ADAMTS10: variants seen among roughly 807,000 people sequenced by gnomAD.
The protein encoded by ADAMTS10 is A disintegrin and metalloproteinase with thrombospondin motifs 10.
Under a neutral mutation model 135.9 loss-of-function variants are expected in ADAMTS10, and 48 were observed. The observed-to-expected ratio is 0.35, with a 90% confidence interval of 0.28 to 0.45. The LOEUF is 0.45. ADAMTS10 is among the 20% of genes least tolerant of loss of function. The probability of loss-of-function intolerance (pLI) is 1.00; values close to 1 mark genes in which losing one functional copy is unlikely to be tolerated. For synonymous variants in ADAMTS10, 621 were observed against 647.5 expected, an observed-to-expected ratio of 0.96 and a Z score of 0.62; for missense variants, 1,131 against 1,565.2, an observed-to-expected ratio of 0.72 and a Z score of 4.68.
intron 6 of ADAMTS10, among the ~76,000 whole-genome samples, chr19:8,599,434 G>T (rs534132812): frequency 6.6e-6 from 1 of 151,876 alleles, no homozygotes. Flanking sequence ...GGGTTCAAGC[G>T]ATTCTCCTGT....
chr19:8,607,752 A>AC (rs2042736022), intron 2 of ADAMTS10, among the ~76,000 whole-genome samples: 1 of 146,030 alleles, frequency 6.8e-6, no homozygotes, highest in South Asian at 2.2e-4. Context: ...ATATTCTGTG[A>AC]CCCCTGTTGC....
In ADAMTS10 at chr19:8,591,846, T is replaced by A. The variant is rs782698580; in HGVS notation, c.1751A>T (p.Lys584Met). 3.7e-6 allele frequency: 6 copies of A among 1,613,640 alleles called. No homozygotes were observed. Among genetic ancestry groups the A allele is most frequent in the Non-Finnish European group, 3.4e-6 (4 of 1,179,992 alleles). Residue 584 changes from lysine to methionine, a missense_variant, in exon 15 of 26, where the codon AAG becomes ATG. By Grantham distance (95) the Lys-to-Met change is moderately conservative. Coordinates refer to ENST00000597188, the MANE Select transcript of ADAMTS10 (RefSeq NM_030957.4). The part of the protein sequence containing the change: ...CDSPRPTIGG[K>M]YCLGERRRHR... ...CCGCCTTCTCTCACCCAGACAGTAC[T>A]TGCCCCCGATGGTTGGCCTGGAAAG...
In ADAMTS10 at chr19:8,585,173, G is replaced by A. The variant is rs1555736584; in HGVS notation, c.3001C>T (p.Arg1001Cys). ...PPATMRCNLR[R>C]CPPARWVAGE... is the part of the protein sequence containing the mutation. Reference sequence around the variant, plus strand: ...GCCACCCAGCGGGCCGGGGGGCAGCGGCGCAAGTTGCAGCGCATGGTGGCC... The same window carrying A: ...GCCACCCAGCGGGCCGGGGGGCAGCAGCGCAAGTTGCAGCGCATGGTGGCC... Residue 1001 changes from arginine to cysteine, a missense_variant, in exon 24 of 26, where the codon CGC becomes TGC. Physicochemically the swap from Arg to Cys is radical, Grantham distance 180 (BLOSUM62 -3). Around this residue, in one of 3 missense-constraint regions of ADAMTS10, gnomAD observed 745 missense variants for 1,056.3 expected, o/e 0.71. Transcript: ENST00000597188. 7.1e-7 allele frequency: 1 copy of A among 1,410,204 alleles called. No homozygotes were observed. Among genetic ancestry groups the A allele is most frequent in the Non-Finnish European group, 9.2e-7 (1 of 1,087,810 alleles). The allele number at this position is 1,410,204 out of a possible 1,614,324, so 87.4% of individuals were successfully genotyped here.
At chr19:8,607,936 G>A (rs957423113) in intron 2 of ADAMTS10, among the ~76,000 whole-genome samples, 198 bp downstream of exon 2, 3 of 150,984 alleles carry the variant, frequency 2.0e-5, no homozygotes, top group Admixed American at 6.6e-5. Flanking sequence ...TCAGCCTCCC[G>A]AGTAGCTGGG....
intron 12 of ADAMTS10, 144 bp from the exon 13 acceptor site, chr19:8,593,014 T>C: frequency 1.4e-6 from 1 of 729,786 alleles, no homozygotes; most frequent in South Asian, 1.5e-5. Flanking sequence ...TCGCGGTGGG[T>C]CTTCGTGCAT....
At chr19:8,581,825 ACT>A (rs1555735925) in intron 25 of ADAMTS10, among the ~76,000 whole-genome samples, 1 of 150,722 alleles carries the variant, frequency 6.6e-6, no homozygotes, top group Non-Finnish European at 1.5e-5. Flanking sequence ...ACAGAGCGAG[ACT>A]CTGTCACAAA....
intron 25 of ADAMTS10, among the ~76,000 whole-genome samples, chr19:8,583,612 C>T (rs1432352401): frequency 6.6e-5 from 10 of 152,024 alleles, no homozygotes; most frequent in Non-Finnish European, 1.3e-4. Context: ...TTTGGGAGGC[C>T]GAGGCGGGTG....
At chr19:8,584,154 C>CAAAAAAAAAAAAAAAAAAAAAAAATAA (rs34412373) in intron 25 of ADAMTS10, among the ~76,000 whole-genome samples, 1 of 44,892 alleles carries the variant, frequency 2.2e-5, no homozygotes, top group African/African-American at 9.1e-5. Flanking sequence ...GACTCCATCT[C>CAAAAAAAAAAAAAAAAAAAAAAAATAA]AAAAAAAAAA....
chr19:8,602,476 G>A (rs2146096798), intron 5 of ADAMTS10, among the ~76,000 whole-genome samples: 1 of 151,864 alleles, frequency 6.6e-6, no homozygotes, highest in South Asian at 2.1e-4. Flanking sequence ...GTGCCACCAC[G>A]CCTGGCTAAC....
rs781958188 is a variant in ADAMTS10 at position 8,603,919 on chromosome 19, G to C, written c.436-35C>G. 5.1e-6 allele frequency: 8 copies of C among 1,580,204 alleles called. No individual in the cohort carries two copies. The South Asian group carries it at 9.3e-5, about 18-fold the overall frequency. On this transcript the variant is annotated intron_variant, in intron 4 of 25. Transcript: ENST00000597188. ...GAGAAGTGGGATAGAAAGCTCTCAG[G>C]ATCAGGTTCTGGAGCTTAGGACCCC...
At chr19:8,591,775 C>T (rs2042532799) in intron 15 of ADAMTS10, 25 bp downstream of exon 15, 1 of 1,613,192 alleles carries the variant, frequency 6.2e-7, no homozygotes, top group African/African-American at 1.3e-5. Context: ...TCCCCCCACC[C>T]CTCAAGGGGT....
At chr19:8,595,649 T>C (rs1185159434) in intron 12 of ADAMTS10, 113 bp downstream of exon 12, 1 of 1,532,064 alleles carries the variant, frequency 6.5e-7, no homozygotes, top group Non-Finnish European at 8.9e-7. Flanking sequence ...TCACCCCCCT[T>C]CCCGGTTCTC....
rs911280206 is a variant in ADAMTS10, at chr19:8,605,498, A to G, written c.88+125T>C. ...GGAGTTGGCTGCAAGGCTCCCGCCT[A>G]TTGACCCCAGGGCCTTCCCCCATTG... is the stretch of plus-strand genomic sequence containing the variant. On this transcript the variant is annotated intron_variant, in intron 3 of 25. Coordinates refer to ENST00000597188, the MANE Select transcript of ADAMTS10 (RefSeq NM_030957.4). The surrounding 1 kb of genome is among the most constrained non-coding windows in gnomAD (Gnocchi z 7.7). 1.4e-6 allele frequency: 2 copies of G among 1,472,332 alleles called. No homozygotes were observed. The highest frequency in any genetic ancestry group is 1.8e-6 in the Non-Finnish European group (2 of 1,084,746). The allele number at this position is 1,472,332 out of a possible 1,614,324, so 91.2% of individuals were successfully genotyped here.
intron 1 of ADAMTS10, among the ~76,000 whole-genome samples, chr19:8,609,239 T>TGTGC (rs1555743120): frequency 6.8e-6 from 1 of 147,444 alleles, no homozygotes; most frequent in Non-Finnish European, 1.5e-5. Flanking sequence ...TGACCCTGTG[T>TGTGC]GTGTGTGTGT....
intron 25 of ADAMTS10, 151 bp downstream of exon 25, chr19:8,584,744 G>T (rs1600092980): frequency 3.5e-6 from 4 of 1,152,816 alleles, no homozygotes; most frequent in East Asian, 2.6e-5. Context: ...ATGCTTGCAG[G>T]GAGGGGATGG....
Position 8,585,261 on chromosome 19 carries a change from GC to G in ADAMTS10, c.2912del (p.Cys971SerfsTer102). ...GPGLRHRVVL[C>X]KSADHRATLP... is the part of the protein sequence containing the mutation. ...GCGTGGCGCGGTGGTCTGCGCTCTT[GC>G]AAAGGACCACGCGGTGGCGGAGGCC... On this transcript the variant is annotated frameshift_variant, in exon 24 of 26. Coordinates refer to ENST00000597188, the MANE Select transcript of ADAMTS10 (RefSeq NM_030957.4). LOFTEE classifies it high-confidence loss of function. The G allele has an allele frequency of 6.7e-7, 1 of 1,498,052 alleles. No homozygotes were observed. Among genetic ancestry groups the G allele is most frequent in the Non-Finnish European group, 8.9e-7 (1 of 1,122,006 alleles). The allele number at this position is 1,498,052 out of a possible 1,614,324, so 92.8% of individuals were successfully genotyped here. A position where few individuals can be genotyped will look rare whatever the true frequency, so the allele number is the denominator to read the frequency against.
At chr19:8,606,513 C>T (rs1295108001) in intron 2 of ADAMTS10, among the ~76,000 whole-genome samples, 7 of 152,228 alleles carry the variant, frequency 4.6e-5, no homozygotes, top group African/African-American at 7.2e-5. Context: ...TTGATTCTCC[C>T]GCCTCAGCCT....
rs1032140765 is a variant in ADAMTS10, at chr19:8,601,693, C to T, written c.593-548G>A. On this transcript the variant is annotated intron_variant, in intron 5 of 25. Transcript: ENST00000597188. This position sits in a 1 kb window ranked among gnomAD's most constrained non-coding sequence, Gnocchi z 4.6. Reference sequence around the variant, plus strand: ...TTGTTTTGTCTATAGGGCATCTTGGCGGTACCATCTCTTTTTTTTGTCAGT... The same window carrying T: ...TTGTTTTGTCTATAGGGCATCTTGGTGGTACCATCTCTTTTTTTTGTCAGT... Among the ~76,000 whole-genome samples the T allele has an allele frequency of 7.2e-5, 11 of 152,050 alleles. No individual in the cohort carries two copies. Among genetic ancestry groups the T allele is most frequent in the Non-Finnish European group, 1.3e-4 (9 of 68,014 alleles).
rs782360655 is a variant in ADAMTS10 at position 8,597,224 on chromosome 19, T to C, written c.894+10A>G. On this transcript the variant is annotated intron_variant, in intron 7 of 25. Transcript: ENST00000597188. ...GAAGGGGAAGGGGAAGGGGAGGAAG[T>C]CCCCCGCACCTGGTCCTCCGTGAGC... 6.2e-7 allele frequency: 1 copy of C among 1,613,620 alleles called. No individual in the cohort carries two copies. The highest frequency in any genetic ancestry group is 1.1e-5 in the South Asian group (1 of 91,038).
Sources: gnomAD v4.1 joint callset for allele counts (sites outside exome capture counted in the v4.1 genomes callset) on GRCh38, gnomAD v4.1.1 for gene constraint, gnomAD v4.1.1 regional missense constraint, Gnocchi (gnomAD v3.1) non-coding constraint, MANE v1.5 for transcripts, NCBI Gene and HGNC (gene_info 2026-07-23, HGNC 2026-07-21) for gene names.